The following MRE11 variants were observed in gnomAD, a reference collection of about 807,000 sequenced individuals.
MRE11 encodes MRE11 double strand break repair nuclease.
A neutral mutation model predicts 91.7 loss-of-function variants in MRE11; 62 were observed. The ratio of observed to expected loss-of-function variants is 0.68; its 90% CI spans 0.55 to 0.84. The LOEUF (loss-of-function observed/expected upper bound fraction) is 0.84, where lower values mean the gene tolerates loss of function less well. Ranked by LOEUF, MRE11 falls within the 40% of genes least tolerant of loss-of-function variation. The pLI is 0.00. For synonymous variants in MRE11, 273 were observed against 271.4 expected (o/e 1.01, Z -0.06); for missense variants, 796 against 852.9 (o/e 0.93, Z 0.83).
chr11:94,459,377 A>G (rs749176631), intron 13 of MRE11, 31 bp downstream of exon 13: 1 of 1,611,482 alleles, frequency 6.2e-7, no homozygotes, highest in South Asian at 1.1e-5. Flanking sequence ...GACTATTTAA[A>G]TAGACCTAGA....
chr11:94,503,219 T>A, the MRE11 span, among the ~76,000 whole-genome samples: 1 of 152,186 alleles, frequency 6.6e-6, no homozygotes, highest in African/African-American at 2.4e-5. Context: ...ATTGAATAAC[T>A]ACTTCCCGTT....
chr11:94,447,730 GGAGGCT>G (rs2134912581), intron 14 of MRE11, among the ~76,000 whole-genome samples: 1 of 151,384 alleles, frequency 6.6e-6, no homozygotes, highest in South Asian at 2.1e-4. Flanking sequence ...GAGCTACACA[GGAGGCT>G]GAGGCAGGAG....
intron 4 of MRE11, among the ~76,000 whole-genome samples, chr11:94,484,651 T>C (rs1947092503): frequency 6.6e-6 from 1 of 152,176 alleles, no homozygotes. Context: ...TCACCAGTGA[T>C]AAATCAGGTT....
At chr11:94,479,606 G>T in intron 5 of MRE11, 68 bp downstream of exon 5, 1 of 1,370,730 alleles carries the variant, frequency 7.3e-7, no homozygotes, top group Non-Finnish European at 1.0e-6. Flanking sequence ...GGGAAGGCAT[G>T]CTTTCCACAG....
At chr11:94,449,442 C>T (rs1265567636) in intron 14 of MRE11, among the ~76,000 whole-genome samples, 1 of 152,158 alleles carries the variant, frequency 6.6e-6, no homozygotes, top group Non-Finnish European at 1.5e-5. Flanking sequence ...CTCTGTAACC[C>T]TAAAAATCAA....
At chr11:94,491,039 C>T (rs2135142043) in intron 2 of MRE11, 74 bp from the exon 3 acceptor site, 2 of 935,794 alleles carry the variant, frequency 2.1e-6, no homozygotes, top group Non-Finnish European at 1.6e-6. Context: ...TTGAGACAAA[C>T]TTATAAAATA....
In MRE11 at chr11:94,420,066, A is replaced by G. The variant is rs1945128830; in HGVS notation, c.*59T>C. ...TTAAAATCTTAAACTGTAAACTCTT[A>G]GCTTGTAACATTTTCATTTTTCCTG... On this transcript the variant is annotated 3_prime_UTR_variant, in exon 20 of 20. Coordinates refer to ENST00000323929, the MANE Select transcript of MRE11 (RefSeq NM_005591.4). The G allele has an allele frequency of 7.4e-6, 10 of 1,356,150 alleles. No individual in the cohort carries two copies. The highest frequency in any genetic ancestry group is 1.4e-5 in the African/African-American group (1 of 69,656). The allele number at this position is 1,356,150 out of a possible 1,614,324, so 84.0% of individuals were successfully genotyped here.
chr11:94,420,230 G>GA (rs1469491524), intron 19 of MRE11, 49 bp from the exon 20 acceptor site: 1 of 1,459,920 alleles, frequency 6.8e-7, no homozygotes, highest in African/African-American at 1.4e-5. Flanking sequence ...CTGCTTCACT[G>GA]AAACAAGACA....
chr11:94,505,285 T>C, the MRE11 span, among the ~76,000 whole-genome samples: 38 of 152,276 alleles, frequency 2.5e-4, no homozygotes, highest in African/African-American at 7.9e-4. Flanking sequence ...GGCATTATCA[T>C]AGGAGATGAC....
chr11:94,422,901 C>T (rs1477288447), intron 19 of MRE11, among the ~76,000 whole-genome samples: 3 of 151,958 alleles, frequency 2.0e-5, no homozygotes, highest in Non-Finnish European at 2.9e-5. Context: ...TCAGTAGAGA[C>T]GGGGTTTCTC....
At chr11:94,425,622 C>T (rs1945293492) in intron 19 of MRE11, among the ~76,000 whole-genome samples, 1 of 152,104 alleles carries the variant, frequency 6.6e-6, no homozygotes, top group Admixed American at 6.5e-5. Flanking sequence ...TAATGACACA[C>T]ACAGGCTCAA....
At chr11:94,424,196 C>T (rs1225212698) in intron 19 of MRE11, among the ~76,000 whole-genome samples, 2 of 152,198 alleles carry the variant, frequency 1.3e-5, no homozygotes, top group Admixed American at 6.5e-5. Context: ...ATCCACTGGA[C>T]ACTAATGTTA....
chr11:94,432,290 A>G (rs1031295578), intron 18 of MRE11, among the ~76,000 whole-genome samples: 5 of 152,204 alleles, frequency 3.3e-5, no homozygotes, highest in Non-Finnish European at 7.3e-5. Flanking sequence ...TTTTACTCCT[A>G]TAAAGGCCAG....
intron 18 of MRE11, among the ~76,000 whole-genome samples, chr11:94,434,371 G>A (rs112111219): frequency 0.015 from 2,237 of 151,754 alleles, 37 homozygotes; most frequent in East Asian, 0.05. Context: ...AAAAAGCTAC[G>A]GTTTTTGGCC....
At chr11:94,463,365 C>T (rs1356752757) in intron 11 of MRE11, among the ~76,000 whole-genome samples, 3 of 152,192 alleles carry the variant, frequency 2.0e-5, no homozygotes, top group African/African-American at 7.2e-5. Context: ...TTGTGGAAGA[C>T]AGTGTGGTGA....
At position 94,454,858 on chromosome 11, in the gene MRE11, A is replaced by G. The variant is rs560054193; in HGVS notation, c.1563+1418T>C. Among the ~76,000 whole-genome samples the G allele has an allele frequency of 1.6e-4, 25 of 152,312 alleles. No individual in the cohort carries two copies. The South Asian group carries it at 5.2e-3, about 32-fold the overall frequency. ...AAAGGGTTAATCAATTTTAAGCTAG[A>G]TATTTAAGAATCAGGAATCATTTCT... On this transcript the variant is annotated intron_variant, in intron 14 of 19. Coordinates refer to ENST00000323929, the MANE Select transcript of MRE11 (RefSeq NM_005591.4).
chr11:94,434,798 T>G (rs967538834), intron 18 of MRE11, among the ~76,000 whole-genome samples: 7 of 152,178 alleles, frequency 4.6e-5, no homozygotes, highest in African/African-American at 1.7e-4. Context: ...TTTGATGAAT[T>G]CAAATATGTT....
At chr11:94,453,260 G>A (rs555768671) in intron 14 of MRE11, among the ~76,000 whole-genome samples, 7 of 152,048 alleles carry the variant, frequency 4.6e-5, no homozygotes, top group East Asian at 3.9e-4. Flanking sequence ...TCCACTTTTC[G>A]GCTATTGTGA....
At chr11:94,435,129 T>C (rs987593457) in intron 18 of MRE11, among the ~76,000 whole-genome samples, 5 of 152,194 alleles carry the variant, frequency 3.3e-5, no homozygotes, top group Non-Finnish European at 5.9e-5. Flanking sequence ...GTGATCCCCT[T>C]TTAAGTGTTT....
Sources: allele counts gnomAD v4.1 joint callset (sites outside exome capture counted in the v4.1 genomes callset), GRCh38; gene constraint gnomAD v4.1.1; transcripts MANE v1.5; gene names NCBI Gene and HGNC (gene_info 2026-07-23, HGNC 2026-07-21).